ASPSCR1: variants seen among roughly 807,000 people sequenced by gnomAD.
ASPSCR1 encodes the protein tether containing UBX domain for GLUT4.
In ASPSCR1, 55 loss-of-function variants were observed where a neutral mutation model predicts 68.9. The ratio of observed to expected loss-of-function variants is 0.80; its 90% CI spans 0.64 to 1.00. ASPSCR1 has a LOEUF of 1.00. Ranked by LOEUF, ASPSCR1 falls within the 50% of genes least tolerant of loss-of-function variation. The pLI is 0.00. For missense variants in ASPSCR1, 765 were observed against 762.2 expected, an observed-to-expected ratio of 1.00 and a Z score of -0.04; for synonymous variants, 352 against 332.6, an observed-to-expected ratio of 1.06 and a Z score of -0.63.
At chr17:81,978,802 C>T in intron 1 of ASPSCR1, 1 of 281,972 alleles carries the variant, frequency 3.5e-6, no homozygotes, top group Non-Finnish European at 6.9e-6. Context: ...GCAGTGGCAG[C>T]AGGTGCACAG....
chr17:81,979,473 C>G (rs1211649397), intron 2 of ASPSCR1, among the ~76,000 whole-genome samples: 2 of 152,184 alleles, frequency 1.3e-5, no homozygotes, highest in Non-Finnish European at 2.9e-5. Context: ...TGGCTTGTGG[C>G]CGCATTGCTC....
intron 9 of ASPSCR1, 35 bp from the exon 10 acceptor site, chr17:82,010,767 G>A: frequency 6.2e-7 from 1 of 1,602,722 alleles, no homozygotes. Context: ...TGCAGCTCCG[G>A]CCGTCCCTCC....
At chr17:81,978,631 G>A (rs1249854414) in intron 1 of ASPSCR1, 1 of 153,976 alleles carries the variant, frequency 6.5e-6, no homozygotes, top group Non-Finnish European at 1.4e-5. Context: ...CACGGCGTGG[G>A]GTCCCCAGGC....
intron 2 of ASPSCR1, chr17:81,982,736 C>A (rs992907248): frequency 2.3e-4 from 35 of 151,932 alleles, no homozygotes; most frequent in African/African-American, 7.0e-4. Context: ...CTTTTTCTTT[C>A]TTGTTTTCTC....
intron 6 of ASPSCR1, 78 bp downstream of exon 6, chr17:81,996,143 A>G: frequency 2.7e-6 from 4 of 1,456,238 alleles, no homozygotes; most frequent in Non-Finnish European, 3.7e-6. Flanking sequence ...GAGAAAGGAC[A>G]CGTGGCAAGT....
At chr17:82,009,610 G>GC (rs1189834110) in intron 9 of ASPSCR1, 43 bp downstream of exon 9, 19 of 435,448 alleles carry the variant, frequency 4.4e-5, no homozygotes, top group African/African-American at 1.0e-4. Context: ...ACAGCTCTGA[G>GC]GGGGCCCCCC....
chr17:81,995,686 G>C, intron 5 of ASPSCR1: 1 of 552,940 alleles, frequency 1.8e-6, no homozygotes, highest in Non-Finnish European at 3.2e-6. Flanking sequence ...CTGGCACCAG[G>C]GCTTCCTCCT....
intron 4 of ASPSCR1, among the ~76,000 whole-genome samples, chr17:81,989,567 G>A (rs1410710931): frequency 1.3e-5 from 2 of 152,226 alleles, no homozygotes; most frequent in Non-Finnish European, 1.5e-5. Flanking sequence ...CTTCGAAGGG[G>A]CGTTCTGAGG....
chr17:82,015,223 G>T, intron 12 of ASPSCR1: 1 of 1,598,266 alleles, frequency 6.3e-7, no homozygotes, highest in African/African-American at 1.3e-5. Context: ...CCATCCAGAG[G>T]CCGAGCCTCT....
intron 8 of ASPSCR1, 144 bp from the exon 9 acceptor site, chr17:82,009,342 C>T: frequency 7.3e-7 from 1 of 1,373,376 alleles, no homozygotes; most frequent in Non-Finnish European, 9.8e-7. Context: ...GGTTGGGGCC[C>T]AGGGAGGGGC....
intron 4 of ASPSCR1, among the ~76,000 whole-genome samples, chr17:81,992,932 AC>A (rs1342963906): frequency 6.6e-6 from 1 of 152,092 alleles, no homozygotes; most frequent in Non-Finnish European, 1.5e-5. Flanking sequence ...TAGGCAGTGG[AC>A]CCAGGGAGAC....
chr17:82,007,964 C>CA (rs1373475960), intron 7 of ASPSCR1: 1 of 152,310 alleles, frequency 6.6e-6, no homozygotes, highest in Non-Finnish European at 1.5e-5. Context: ...GGTCAGCCCT[C>CA]ACTGGCTGCC....
chr17:81,988,584 TGGGTCTGTCTGC>T (rs2042070159), intron 4 of ASPSCR1, among the ~76,000 whole-genome samples: 1 of 152,010 alleles, frequency 6.6e-6, no homozygotes, highest in Non-Finnish European at 1.5e-5. Flanking sequence ...TGTGGCAGTG[TGGGTCTGTCTGC>T]GGGTGTGTCT....
intron 3 of ASPSCR1, among the ~76,000 whole-genome samples, chr17:81,984,483 A>G (rs187031998): frequency 1.4e-3 from 214 of 152,184 alleles, no homozygotes; most frequent in African/African-American, 5.0e-3. Context: ...AGGCTGAGGC[A>G]GGAGAATGGC....
chr17:82,006,745 A>G (rs951907783), intron 7 of ASPSCR1: 1 of 152,248 alleles, frequency 6.6e-6, no homozygotes, highest in Admixed American at 6.5e-5. Context: ...TTTCCCTCAC[A>G]GTGTCTCATC....
intron 12 of ASPSCR1, chr17:82,015,694 T>A: frequency 3.0e-6 from 1 of 335,252 alleles, no homozygotes; most frequent in Non-Finnish European, 5.6e-6. Flanking sequence ...GTGTGAATCT[T>A]GGAGGCCCGG....
At chr17:82,006,997 T>G (rs1006540749) in intron 7 of ASPSCR1, 1 of 152,236 alleles carries the variant, frequency 6.6e-6, no homozygotes, top group Non-Finnish European at 1.5e-5. Context: ...TGATGGGTGT[T>G]TGAAGTTTCT....
At chr17:82,004,159 C>T (rs1036260626) in intron 7 of ASPSCR1, among the ~76,000 whole-genome samples, 27 of 152,236 alleles carry the variant, frequency 1.8e-4, no homozygotes, top group African/African-American at 7.2e-5. Context: ...GTGCATGCCC[C>T]TGGCGCCCTC....
At chr17:81,985,643 T>G in intron 4 of ASPSCR1, 36 bp downstream of exon 4, 1 of 1,583,936 alleles carries the variant, frequency 6.3e-7, no homozygotes, top group Non-Finnish European at 8.7e-7. Context: ...TTCCCTACCC[T>G]GTTTGCTGGG....
Sources: allele counts gnomAD v4.1 joint callset (sites outside exome capture counted in the v4.1 genomes callset), GRCh38; gene constraint gnomAD v4.1.1; transcripts MANE v1.5; gene names NCBI Gene and HGNC (gene_info 2026-07-23, HGNC 2026-07-21).